PIEZO1: variants seen among roughly 807,000 people sequenced by gnomAD.
The protein encoded by PIEZO1 is piezo type mechanosensitive ion channel component 1 (Er blood group), also known as piezo-type mechanosensitive ion channel component 1.
A neutral mutation model predicts 297.2 loss-of-function variants in PIEZO1; 296 were observed. That is an observed-to-expected ratio of 1.00 (90% CI 0.91 to 1.10). PIEZO1 has a LOEUF of 1.10. Ranked by LOEUF, PIEZO1 falls within the 50% of genes least tolerant of loss-of-function variation. The pLI, the probability that PIEZO1 is intolerant of heterozygous loss-of-function variation, is 0.00. For synonymous variants in PIEZO1, 2,427 were observed against 1,507.5 expected (o/e 1.61, Z -14.13); for missense variants, 5,018 against 3,455.5 (o/e 1.45, Z -11.34).
chr16:88,772,023 T>A (rs1202295711), intron 1 of PIEZO1, among the ~76,000 whole-genome samples: 3 of 66,470 alleles, frequency 4.5e-5, no homozygotes, highest in East Asian at 4.8e-4. Flanking sequence ...CCCCAGGCCC[T>A]CCTGAGACTC....
intron 1 of PIEZO1, 149 bp from the exon 2 acceptor site, chr16:88,749,628 C>G: frequency 1.6e-6 from 1 of 615,638 alleles, no homozygotes; most frequent in South Asian, 2.0e-5. Context: ...GAAGCCGCCT[C>G]GCGCTTCCGT....
chr16:88,755,386 AAG>A (rs1906603636), intron 1 of PIEZO1, among the ~76,000 whole-genome samples: 1 of 152,218 alleles, frequency 6.6e-6, no homozygotes. Context: ...AAAGAAAAAA[AAG>A]AGTGTCTAGT....
In PIEZO1 at chr16:88,748,984, TC is replaced by T. The variant is rs543527110; in HGVS notation, c.160+399del. 1.5e-4 allele frequency among the ~76,000 whole-genome samples: 19 copies of T among 129,442 alleles called. No homozygotes were observed. In the South Asian group the frequency reaches 3.8e-3, roughly 26 times the overall value. The allele number at this position is 129,442 out of a possible 152,430, so 84.9% of individuals were successfully genotyped here. A position where few individuals can be genotyped will look rare whatever the true frequency, so the allele number is the denominator to read the frequency against. On this transcript the variant is annotated intron_variant, in intron 2 of 50. Coordinates refer to ENST00000301015, the MANE Select transcript of PIEZO1 (RefSeq NM_001142864.4). ...CGGGCGCGGTGGCTCACGTCTGTAA[TC>T]CCAGCACTTTGGGAGGCCGAGGCGG...
intron 1 of PIEZO1, among the ~76,000 whole-genome samples, chr16:88,781,693 G>A (rs550004436): frequency 1.3e-5 from 2 of 152,268 alleles, no homozygotes; most frequent in Non-Finnish European, 2.9e-5. Flanking sequence ...CCGGGCACAG[G>A]CCTCCGAAGG....
intron 1 of PIEZO1, among the ~76,000 whole-genome samples, 152 bp downstream of exon 1, chr16:88,784,749 G>C (rs1020985458): frequency 6.6e-6 from 1 of 151,608 alleles, no homozygotes; most frequent in Non-Finnish European, 1.5e-5. Context: ...TCATGCTTCA[G>C]GAATGCGGGC....
At position 88,721,921 on chromosome 16, in the gene PIEZO1, C is replaced by T. The variant is rs1252113208; in HGVS notation, c.5101G>A (p.Val1701Ile). Reference protein sequence around the residue: ...CYFIIILNHMVTASAGSLVLP... With the variant: ...CYFIIILNHMITASAGSLVLP... ...ACCAGCGAGCCGGCGGAGGCCGTGA[C>T]CATGTGGTTGAGGATGATGATGAAG... Residue 1701 changes from valine to isoleucine, a missense_variant, in exon 37 of 51, where the codon GTC (valine) becomes ATC (isoleucine). Physicochemically the swap from Val to Ile is conservative, Grantham distance 29 (BLOSUM62 3). Coordinates refer to ENST00000301015, the MANE Select transcript of PIEZO1 (RefSeq NM_001142864.4). 9 of 1,550,172 alleles carry T rather than the reference C, an allele frequency of 5.8e-6. No homozygotes were observed. The South Asian group carries it at 9.5e-5, about 16-fold the overall frequency.
At chr16:88,718,051 T>G (rs1912176480) in intron 44 of PIEZO1, 8 of 262,472 alleles carry the variant, frequency 3.0e-5, no homozygotes, top group South Asian at 2.9e-4. Context: ...CCACTGCACT[T>G]CAGCCTGAGA....
chr16:88,772,710 C>T (rs910417767), intron 1 of PIEZO1, among the ~76,000 whole-genome samples: 15 of 147,272 alleles, frequency 1.0e-4, no homozygotes, highest in Non-Finnish European at 1.9e-4. Flanking sequence ...ACCTGGGAGG[C>T]GAAGGTGGCA....
chr16:88,742,458 G>A, intron 2 of PIEZO1, 36 bp from the exon 3 acceptor site: 3 of 1,529,106 alleles, frequency 2.0e-6, no homozygotes, highest in East Asian at 2.4e-5. Context: ...TGGTCCCGGG[G>A]ACGGGGAGGG....
intron 1 of PIEZO1, among the ~76,000 whole-genome samples, chr16:88,758,240 CTGTG>C (rs1906768685): frequency 6.6e-6 from 1 of 152,152 alleles, no homozygotes; most frequent in African/African-American, 2.4e-5. Context: ...CCGAGACCAA[CTGTG>C]TGGCCCTCAG....
Position 88,725,014 on chromosome 16 carries a change from G to C in PIEZO1, c.4229C>G (p.Ala1410Gly), listed in dbSNP as rs1904326235. The C allele has an allele frequency of 2.7e-6, 4 of 1,486,384 alleles. No homozygotes were observed. The highest frequency in any genetic ancestry group is 8.9e-7 in the Non-Finnish European group (1 of 1,119,156). The allele number at this position is 1,486,384 out of a possible 1,614,324, so 92.1% of individuals were successfully genotyped here. ...RQWWRPWLDHATVIHSGDYFL... is the reference protein window; with the variant it reads ...RQWWRPWLDHGTVIHSGDYFL... ...GGCGGCCTAATTGGGGGTACCTGTGGCGTGGTCCAGCCAGGGCCGCCACCA... is the reference window on the plus strand; with the variant it reads ...GGCGGCCTAATTGGGGGTACCTGTGCCGTGGTCCAGCCAGGGCCGCCACCA... The change falls in exon 30 of 51, where the codon GCC becomes GGC. Residue 1410 changes from alanine to glycine, a missense_variant. By Grantham distance (60) the Ala-to-Gly change is moderately conservative. Transcript: ENST00000301015.
At chr16:88,723,403 G>A (rs1904298545) in intron 31 of PIEZO1, 75 bp from the exon 32 acceptor site, 16 of 1,499,142 alleles carry the variant, frequency 1.1e-5, no homozygotes, top group Non-Finnish European at 1.4e-5. Flanking sequence ...GGTTGGGCAA[G>A]CCGGGCGCCA....
rs1420543531 is a variant in PIEZO1 at position 88,715,382 on chromosome 16, A to AAAAACTCT, written c.*215_*222dup. The AAAAACTCT allele has an allele frequency of 2.6e-6, 3 of 1,151,378 alleles. No individual in the cohort carries two copies. The African/African-American group carries it at 4.7e-5, about 18-fold the overall frequency. 71.3% of individuals were successfully genotyped at this position (1,151,378 alleles called of 1,614,324 possible). ...AAATAAAACATTTTTTAATTAAAAA[A>AAAAACTCT]AAAACTCTACAGTACACGTGGGGGA... On this transcript the variant is annotated 3_prime_UTR_variant, in exon 51 of 51. Coordinates refer to ENST00000301015, the MANE Select transcript of PIEZO1 (RefSeq NM_001142864.4).
chr16:88,741,191 C>T (rs1002859982), intron 5 of PIEZO1: 5 of 303,498 alleles, frequency 1.6e-5, no homozygotes, highest in African/African-American at 6.6e-5. Flanking sequence ...TCCACCACCG[C>T]GTGGCCCCAA....
Position 88,726,635 on chromosome 16 carries a change from G to T in PIEZO1, c.3708C>A (p.Ala1236=). 6.5e-7 allele frequency: 1 copy of T among 1,549,530 alleles called. No homozygotes were observed. Among genetic ancestry groups the T allele is most frequent in the South Asian group, 1.2e-5 (1 of 84,026 alleles). ...TCTGCATCTGCTCCACGAAGACGCAGGCCAGGAGCTGGGGGAGAGCAGGGT... is the reference window on the plus strand; with the variant it reads ...TCTGCATCTGCTCCACGAAGACGCATGCCAGGAGCTGGGGGAGAGCAGGGT... ...IISKNMLSLL[A]CVFVEQMQTG... is the part of the protein sequence containing the mutation. The change falls in exon 26 of 51, where the codon GCC becomes GCA. Residue 1236 remains alanine (A), a synonymous_variant. Coordinates refer to ENST00000301015, the MANE Select transcript of PIEZO1 (RefSeq NM_001142864.4).
In PIEZO1 at chr16:88,737,472, G is replaced by A. The variant is rs1478091091; in HGVS notation, c.1195+87C>T. ...AGGCAGAGGTGCGGCGCGAGCATGC[G>A]AGAGCGCCAGGCGGCCACCAGGGGG... On this transcript the variant is annotated intron_variant, in intron 10 of 50. Transcript: ENST00000301015. 2.4e-5 allele frequency: 22 copies of A among 906,884 alleles called. No homozygotes were observed. In the Admixed American group the frequency reaches 3.3e-4, roughly 14 times the overall value. The allele number at this position is 906,884 out of a possible 1,614,324, so 56.2% of individuals were successfully genotyped here.
chr16:88,756,983 G>A (rs940782593), intron 1 of PIEZO1, among the ~76,000 whole-genome samples: 1 of 151,076 alleles, frequency 6.6e-6, no homozygotes, highest in Admixed American at 6.6e-5. Context: ...GGCTGAGGCA[G>A]GAGAATGGCG....
At chr16:88,775,952 A>T (rs1041153621) in intron 1 of PIEZO1, among the ~76,000 whole-genome samples, 1 of 152,212 alleles carries the variant, frequency 6.6e-6, no homozygotes, top group Non-Finnish European at 1.5e-5. Context: ...AGGTCACTGC[A>T]GATTAAAGCC....
At chr16:88,762,745 T>A in intron 1 of PIEZO1, among the ~76,000 whole-genome samples, 1 of 152,186 alleles carries the variant, frequency 6.6e-6, no homozygotes, top group East Asian at 1.9e-4. Flanking sequence ...TGAGGCACGG[T>A]GGGCTTACAG....
Sources: allele counts gnomAD v4.1 joint callset (sites outside exome capture counted in the v4.1 genomes callset), GRCh38; gene constraint gnomAD v4.1.1; transcripts MANE v1.5; gene names NCBI Gene and HGNC (gene_info 2026-07-23, HGNC 2026-07-21).